Variants in CRTC1 observed in about 807,000 individuals in gnomAD.
CRTC1 encodes CREB-regulated transcription coactivator 1.
CRTC1 carries 18 observed loss-of-function variants against 66.1 expected under a neutral mutation model. The observed-to-expected ratio is 0.27, with a 90% confidence interval of 0.19 to 0.40. The LOEUF (loss-of-function observed/expected upper bound fraction) is 0.40, where lower values mean the gene tolerates loss of function less well. Ranked by LOEUF, CRTC1 falls within the 10% of genes least tolerant of loss-of-function variation. CRTC1 has a pLI of 1.00. For synonymous variants in CRTC1, 416 were observed against 398.8 expected, an observed-to-expected ratio of 1.04 and a Z score of -0.51; for missense variants, 669 against 887.9, an observed-to-expected ratio of 0.75 and a Z score of 3.13.
At chr19:18,707,183 G>A (rs1040412977) in intron 1 of CRTC1, among the ~76,000 whole-genome samples, 4 of 152,082 alleles carry the variant, frequency 2.6e-5, no homozygotes, top group African/African-American at 9.7e-5. Flanking sequence ...TATAGTTTTA[G>A]CTTTTATGGT....
intron 8 of CRTC1, among the ~76,000 whole-genome samples, chr19:18,764,102 C>T (rs569425112): frequency 1.3e-5 from 2 of 152,282 alleles, no homozygotes; most frequent in South Asian, 2.1e-4. Flanking sequence ...CAGGCGTGAC[C>T]GAGCTCGCCC....
Position 18,768,999 on chromosome 19 carries a change from G to A in CRTC1, c.1320+206G>A, listed in dbSNP as rs535964462. 2.6e-4 allele frequency among the ~76,000 whole-genome samples: 39 copies of A among 152,354 alleles called. No homozygotes were observed. In the South Asian group the frequency reaches 4.6e-3, roughly 18 times the overall value. Reference sequence around the variant, plus strand: ...TGTAGAGATGGAGAAACTGAGGCACGAGCAGGTGGCTGGCCCCAGATTCCA... The same window carrying A: ...TGTAGAGATGGAGAAACTGAGGCACAAGCAGGTGGCTGGCCCCAGATTCCA... On this transcript the variant is annotated intron_variant, in intron 10 of 13. Transcript: ENST00000321949. The surrounding 1 kb of genome is among the most constrained non-coding windows in gnomAD (Gnocchi z 5.6).
chr19:18,703,789 G>C (rs895392804), intron 1 of CRTC1, among the ~76,000 whole-genome samples: 1 of 151,984 alleles, frequency 6.6e-6, no homozygotes, highest in Non-Finnish European at 1.5e-5. Context: ...GTAGAGATGG[G>C]GTTTCACTAT....
Position 18,765,544 on chromosome 19 carries a change from G to T in CRTC1, c.1011+16G>T, listed in dbSNP as rs759487363. On this transcript the variant is annotated intron_variant, in intron 9 of 13. Transcript: ENST00000321949. ...CATCACTCAGGTGCGAGGGCAAGGT[G>T]GGGGGCAGGTGGGAGGGGGAAAGGG... The T allele has an allele frequency of 1.9e-6, 3 of 1,595,062 alleles. No individual in the cohort carries two copies. The highest frequency in any genetic ancestry group is 1.7e-5 in the Admixed American group (1 of 59,564).
Position 18,760,116 on chromosome 19 carries a change from C to G in CRTC1, c.774C>G (p.Leu258=). 1 of 1,613,954 alleles carries G rather than the reference C, an allele frequency of 6.2e-7. No homozygotes were observed. Among genetic ancestry groups the G allele is most frequent in the Non-Finnish European group, 8.5e-7 (1 of 1,179,906 alleles). Residue 258 remains leucine (L), a synonymous_variant, in exon 8 of 14, where the codon CTC becomes CTG. Coordinates refer to ENST00000321949, the MANE Select transcript of CRTC1 (RefSeq NM_015321.3). The surrounding 1 kb of genome is among the most constrained non-coding windows in gnomAD (Gnocchi z 6.2). ...CCAACATCCACTTCCCCTCCCCGCT[C>G]CCGACCCCGCTGGACCCCGAGGAGC... ...DLTNIHFPSP[L]PTPLDPEEPT...
In CRTC1 at chr19:18,745,957, G is replaced by T. The variant is rs774288381; in HGVS notation, c.378G>T (p.Arg126=). 6.2e-6 allele frequency: 10 copies of T among 1,607,370 alleles called. No individual in the cohort carries two copies. The highest frequency in any genetic ancestry group is 1.3e-5 in the African/African-American group (1 of 74,822). The change falls in exon 3 of 14, where the codon CGG becomes CGT. Residue 126 remains arginine (R), a synonymous_variant. Transcript: ENST00000321949. ...RRPLSVDKHG[R]QADSCPYGTM... is the part of the protein sequence containing the mutation. ...CCCTGTCAGTGGACAAACACGGACG[G>T]CAGATATCCTTTTCACCAGAGGATG...
chr19:18,707,353 A>C (rs1231774020), intron 1 of CRTC1, among the ~76,000 whole-genome samples: 3 of 152,176 alleles, frequency 2.0e-5, no homozygotes, highest in Non-Finnish European at 4.4e-5. Context: ...TTTTGTTGAA[A>C]AGACTGTCCC....
At chr19:18,726,163 G>C (rs2053747353) in intron 1 of CRTC1, among the ~76,000 whole-genome samples, 1 of 152,276 alleles carries the variant, frequency 6.6e-6, no homozygotes, top group Non-Finnish European at 1.5e-5. Context: ...GAGCTTCCCA[G>C]AAGTGGGATT....
chr19:18,764,359 G>A (rs553477506), intron 8 of CRTC1, among the ~76,000 whole-genome samples: 94 of 152,332 alleles, frequency 6.2e-4, no homozygotes, highest in Non-Finnish European at 9.7e-4. Context: ...TGTTATCGTC[G>A]CCATCTCACC....
intron 1 of CRTC1, among the ~76,000 whole-genome samples, chr19:18,696,489 T>G (rs2052990734): frequency 6.6e-6 from 1 of 152,106 alleles, no homozygotes; most frequent in African/African-American, 2.4e-5. Context: ...AAAGGGCCTG[T>G]TGCCTGCCCC....
At chr19:18,734,388 GAAAC>G (rs2053953344) in intron 1 of CRTC1, among the ~76,000 whole-genome samples, 1 of 151,874 alleles carries the variant, frequency 6.6e-6, no homozygotes, top group African/African-American at 2.4e-5. Context: ...AAAATAGAAA[GAAAC>G]AGGCCACAGA....
chr19:18,710,039 A>G (rs935050125), intron 1 of CRTC1, among the ~76,000 whole-genome samples: 2 of 113,572 alleles, frequency 1.8e-5, no homozygotes, highest in African/African-American at 6.8e-5. Flanking sequence ...TTCTTTGCCC[A>G]CCCTGGCTTC....
intron 1 of CRTC1, among the ~76,000 whole-genome samples, chr19:18,699,719 C>G (rs1041698791): frequency 2.0e-5 from 3 of 152,140 alleles, no homozygotes; most frequent in African/African-American, 7.2e-5. Flanking sequence ...CCTGGCCTCG[C>G]CTGGCTCTGG....
rs2055053154 is a variant in CRTC1, at chr19:18,779,046, G to C, written c.*1664G>C. ...TCCCCATACCACGGGCCCTGCAAGG[G>C]AGGCATCAGGGCTGGCTTTGTTTTC... On this transcript the variant is annotated 3_prime_UTR_variant, in exon 14 of 14. Transcript: ENST00000321949. 2 of 232,620 alleles carry C rather than the reference G, an allele frequency of 8.6e-6. No individual in the cohort carries two copies. Among genetic ancestry groups the C allele is most frequent in the African/African-American group, 4.4e-5 (2 of 45,416 alleles). The allele number at this position is 232,620 out of a possible 1,614,324, so 14.4% of individuals were successfully genotyped here.
chr19:18,689,438 T>C (rs1454038788), intron 1 of CRTC1, among the ~76,000 whole-genome samples: 5 of 116,698 alleles, frequency 4.3e-5, no homozygotes, highest in Non-Finnish European at 8.6e-5. Flanking sequence ...TTCTTTCTTT[T>C]TTTTTTTTTT....
intron 1 of CRTC1, among the ~76,000 whole-genome samples, chr19:18,700,293 G>A (rs570126273): frequency 2.8e-4 from 42 of 152,198 alleles, no homozygotes; most frequent in African/African-American, 8.9e-4. Context: ...CTCCCACTGC[G>A]GGTGCTAATA....
chr19:18,714,098 T>C (rs915222558), intron 1 of CRTC1, among the ~76,000 whole-genome samples: 3 of 152,170 alleles, frequency 2.0e-5, no homozygotes, highest in African/African-American at 7.2e-5. Flanking sequence ...CTTACACGTA[T>C]GCATGAGGCT....
At chr19:18,772,103 G>T (rs960029399) in intron 11 of CRTC1, among the ~76,000 whole-genome samples, 2 of 152,168 alleles carry the variant, frequency 1.3e-5, no homozygotes, top group Non-Finnish European at 2.9e-5. Flanking sequence ...ACTGAGGTCA[G>T]CCTCAAACCT....
At position 18,779,876 on chromosome 19, in the gene CRTC1, G is replaced by T; in HGVS notation, c.*2494G>T. 1 of 228,940 alleles carries T rather than the reference G, an allele frequency of 4.4e-6. No individual in the cohort carries two copies. The highest frequency in any genetic ancestry group is 8.7e-6 in the Non-Finnish European group (1 of 115,470). The allele number at this position is 228,940 out of a possible 1,614,324, so 14.2% of individuals were successfully genotyped here. A position where few individuals can be genotyped will look rare whatever the true frequency, so the allele number is the denominator to read the frequency against. ...CAGTGGGGCCCACGCGAGTACCCGG[G>T]GCCCAGCCAGGAGCCAGCAGCCAGG... is the stretch of plus-strand genomic sequence containing the variant. On this transcript the variant is annotated 3_prime_UTR_variant, in exon 14 of 14. Transcript: ENST00000321949.
Sources: gnomAD v4.1 joint callset for allele counts (sites outside exome capture counted in the v4.1 genomes callset) on GRCh38, gnomAD v4.1.1 for gene constraint, Gnocchi (gnomAD v3.1) non-coding constraint, MANE v1.5 for transcripts, NCBI Gene and HGNC (gene_info 2026-07-23, HGNC 2026-07-21) for gene names.